APC2: variants seen among roughly 807,000 people sequenced by gnomAD.
APC2 encodes the protein adenomatous polyposis coli protein 2.
A neutral mutation model predicts 72.5 loss-of-function variants in APC2; 41 were observed. The ratio of observed to expected loss-of-function variants is 0.57; its 90% CI spans 0.44 to 0.73. The LOEUF is 0.73. Among genes scored for constraint, APC2 ranks in the 30% least tolerant of loss-of-function variants. The pLI is 0.00. For missense variants in APC2, 3,729 were observed against 3,403.4 expected (o/e 1.10, Z -2.38); for synonymous variants, 1,898 against 1,612.0 (o/e 1.18, Z -4.25).
In APC2 at chr19:1,455,429, G is replaced by C. The variant is rs374545598; in HGVS notation, c.568G>C (p.Glu190Gln). The C allele has an allele frequency of 3.7e-6, 6 of 1,608,528 alleles. No homozygotes were observed. The highest frequency in any genetic ancestry group is 4.2e-6 in the Non-Finnish European group (5 of 1,178,016). The change falls in exon 6 of 15, where the codon GAG becomes CAG. Residue 190 changes from glutamate (E) to glutamine (Q), a missense_variant. Physicochemically the swap from Glu to Gln is conservative, Grantham distance 29. Transcript: ENST00000590469. Reference sequence around the variant, plus strand: ...CCTGATCCGGCAGCAGCTTGAGTTCGAGGCCCAGCACATCCGCTCGCTGAT... The same window carrying C: ...CCTGATCCGGCAGCAGCTTGAGTTCCAGGCCCAGCACATCCGCTCGCTGAT... ...MDLIRQQLEF[E>Q]AQHIRSLMEE...
upstream of APC2, among the ~76,000 whole-genome samples, chr19:1,448,340 A>G (rs1157518595): frequency 1.3e-5 from 2 of 152,136 alleles, no homozygotes; most frequent in Non-Finnish European, 2.9e-5. Context: ...TGAGGTCAGG[A>G]GTTTGAGACC....
chr19:1,469,709 C>G lies in APC2; in HGVS notation c.6408C>G (p.Leu2136=), dbSNP rs2084099256. The G allele has an allele frequency of 6.9e-7, 1 of 1,440,732 alleles. No individual in the cohort carries two copies. The highest frequency in any genetic ancestry group is 9.1e-7 in the Non-Finnish European group (1 of 1,103,324). 89.2% of individuals were successfully genotyped at this position (1,440,732 alleles called of 1,614,324 possible). ...RRSSDGEPRP[L]PRVAAPGTTW... is the part of the protein sequence containing the mutation. Reference sequence around the variant, plus strand: ...GCAGCGACGGGGAGCCCCGGCCGCTCCCCAGGGTGGCCGCGCCGGGCACGA... The same window carrying G: ...GCAGCGACGGGGAGCCCCGGCCGCTGCCCAGGGTGGCCGCGCCGGGCACGA... The change falls in exon 15 of 15, where the codon CTC becomes CTG. Residue 2136 remains leucine, a synonymous_variant. Transcript: ENST00000590469.
At position 1,470,296 on chromosome 19, in the gene APC2, C is replaced by G. The variant is rs375528502; in HGVS notation, c.*83C>G. 1.4e-6 allele frequency: 2 copies of G among 1,435,308 alleles called. No homozygotes were observed. The highest frequency in any genetic ancestry group is 1.8e-6 in the Non-Finnish European group (2 of 1,094,770). The allele number at this position is 1,435,308 out of a possible 1,614,324, so 88.9% of individuals were successfully genotyped here. On this transcript the variant is annotated 3_prime_UTR_variant, in exon 15 of 15. Transcript: ENST00000590469. Reference sequence around the variant, plus strand: ...CCCCATGGGCCTGCGCTGTAGACGTCCCCCATAGGTCGCCCCAGGGCCTCT... The same window carrying G: ...CCCCATGGGCCTGCGCTGTAGACGTGCCCCATAGGTCGCCCCAGGGCCTCT...
At position 1,470,007 on chromosome 19, in the gene APC2, G is replaced by A; in HGVS notation, c.6706G>A (p.Ala2236Thr). The change falls in exon 15 of 15, where the codon GCC becomes ACC. Residue 2236 changes from alanine to threonine, a missense_variant. Physicochemically the swap from Ala to Thr is moderately conservative, Grantham distance 58. Transcript: ENST00000590469. ...CAGCGACGTGGACGGTCCCAGCCTC[G>A]CCAAGGCTCCCATCTCCGCACCCTT... ...LGSDVDGPSL[A>T]KAPISAPFVH... is the part of the protein sequence containing the mutation. 1.3e-6 allele frequency: 2 copies of A among 1,543,648 alleles called. No homozygotes were observed. Among genetic ancestry groups the A allele is most frequent in the South Asian group, 1.2e-5 (1 of 84,670 alleles).
chr19:1,461,887 C>A, intron 13 of APC2, 76 bp from the exon 14 acceptor site: 3 of 1,268,430 alleles, frequency 2.4e-6, no homozygotes, highest in Non-Finnish European at 3.3e-6. Flanking sequence ...AACCCAACTT[C>A]ACTGAATGTG....
rs2083755137 is a variant in APC2 at position 1,452,477 on chromosome 19, G to T, written c.-18-507G>T. ...TGTCCATCGGCAGGGACAGCTGGTG[G>T]TCTGTCCGCCCCGCGTGTCTGGCTG... On this transcript the variant is annotated intron_variant, in intron 1 of 14. Transcript: ENST00000590469. The surrounding 1 kb of genome is among the most constrained non-coding windows in gnomAD (Gnocchi z 5.1). 6.1e-6 allele frequency: 1 copy of T among 164,994 alleles called. No homozygotes were observed. Among genetic ancestry groups the T allele is most frequent in the Non-Finnish European group, 1.3e-5 (1 of 75,846 alleles). 10.2% of individuals were successfully genotyped at this position (164,994 alleles called of 1,614,324 possible).
In APC2 at chr19:1,460,165, T is replaced by C. The variant is rs2083900155; in HGVS notation, c.1304-16T>C. The C allele has an allele frequency of 2.5e-6, 4 of 1,612,976 alleles. No individual in the cohort carries two copies. The highest frequency in any genetic ancestry group is 3.4e-6 in the Non-Finnish European group (4 of 1,179,954). ...GGTCATCCCTGCCACCCACCAACCT[T>C]GTTGGGTCCTCACAGGTGGGCTGCA... On this transcript the variant is annotated splice_polypyrimidine_tract_variant and intron_variant, in intron 10 of 14. Transcript: ENST00000590469.
chr19:1,465,716 C>A lies in APC2; in HGVS notation c.2415C>A (p.Phe805Leu). 6.4e-7 allele frequency: 1 copy of A among 1,564,832 alleles called. No individual in the cohort carries two copies. Among genetic ancestry groups the A allele is most frequent in the Non-Finnish European group, 8.6e-7 (1 of 1,157,222 alleles). ...EPASPAALSL[F>L]LGSPFLQGQA... is the part of the protein sequence containing the mutation. The stretch of plus-strand genomic sequence containing the variant: ...CCAGCCCTGCCGCGCTGTCCCTCTT[C>A]CTGGGCAGCCCCTTCCTGCAGGGGC... The change falls in exon 15 of 15, where the codon TTC becomes TTA. Residue 805 changes from phenylalanine to leucine, a missense_variant. Phe to Leu is a conservative substitution (Grantham distance 22). Coordinates refer to ENST00000590469, the MANE Select transcript of APC2 (RefSeq NM_005883.3).
At chr19:1,456,788 G>A (rs2083834687) in intron 8 of APC2, 65 bp from the exon 9 acceptor site, 4 of 1,533,314 alleles carry the variant, frequency 2.6e-6, no homozygotes, top group Middle Eastern at 2.1e-4. Context: ...ACAGGGCTCC[G>A]ACCGGGTTTC....
chr19:1,472,185 A>G lies in APC2; in HGVS notation c.*1972A>G, dbSNP rs1418472255. On this transcript the variant is annotated 3_prime_UTR_variant, in exon 15 of 15. Transcript: ENST00000590469. Reference sequence around the variant, plus strand: ...GGTCTCACACTTGCTGTCCCCATCCATGGCCCGAGGGGGAACCTGGTGGTC... The same window carrying G: ...GGTCTCACACTTGCTGTCCCCATCCGTGGCCCGAGGGGGAACCTGGTGGTC... 1 of 152,208 alleles carries G rather than the reference A, an allele frequency of 6.6e-6. No homozygotes were observed. Among genetic ancestry groups the G allele is most frequent in the African/African-American group, 2.4e-5 (1 of 41,438 alleles). The allele number at this position is 152,208 out of a possible 1,614,324, so 9.4% of individuals were successfully genotyped here. A position where few individuals can be genotyped will look rare whatever the true frequency, so the allele number is the denominator to read the frequency against.
At position 1,452,866 on chromosome 19, in the gene APC2, C is replaced by G. The variant is rs1038842899; in HGVS notation, c.-18-118C>G. 3 of 1,271,524 alleles carry G rather than the reference C, an allele frequency of 2.4e-6. No homozygotes were observed. The highest frequency in any genetic ancestry group is 1.5e-5 in the African/African-American group (1 of 66,864). 78.8% of individuals were successfully genotyped at this position (1,271,524 alleles called of 1,614,324 possible). Reference sequence around the variant, plus strand: ...ACACCAGTGACTCCTGCCTGAGACCCCCCCCAACCCAGGATCAGGCAGGAC... The same window carrying G: ...ACACCAGTGACTCCTGCCTGAGACCGCCCCCAACCCAGGATCAGGCAGGAC... On this transcript the variant is annotated intron_variant, in intron 1 of 14. Transcript: ENST00000590469. This position sits in a 1 kb window ranked among gnomAD's most constrained non-coding sequence, Gnocchi z 5.1.
In APC2 at chr19:1,471,651, G is replaced by A. The variant is rs1257191403; in HGVS notation, c.*1438G>A. 1.3e-5 allele frequency: 2 copies of A among 152,292 alleles called. No individual in the cohort carries two copies. Among genetic ancestry groups the A allele is most frequent in the African/African-American group, 4.8e-5 (2 of 41,466 alleles). 9.4% of individuals were successfully genotyped at this position (152,292 alleles called of 1,614,324 possible). ...CACCCACGGATCTGCCCAGGCTGAA[G>A]GCACACGCTCAATGCCCCACGTGCC... is the stretch of plus-strand genomic sequence containing the variant. On this transcript the variant is annotated 3_prime_UTR_variant, in exon 15 of 15. Transcript: ENST00000590469.
chr19:1,450,026 G>A (rs1269795055), upstream of APC2: 2 of 730,812 alleles, frequency 2.7e-6, no homozygotes, highest in Non-Finnish European at 1.7e-6. Context: ...CCCCGCCCCG[G>A]GCCGCCATTG....
At chr19:1,455,093 A>G (rs2084146967) in intron 4 of APC2, 56 bp from the exon 5 acceptor site, 1 of 1,213,572 alleles carries the variant, frequency 8.2e-7, no homozygotes, top group Non-Finnish European at 1.1e-6. Context: ...ACAAATATCA[A>G]AATAAACACA....
In APC2 at chr19:1,466,260, G is replaced by A. The variant is rs751924882; in HGVS notation, c.2959G>A (p.Asp987Asn). 6 of 1,529,660 alleles carry A rather than the reference G, an allele frequency of 3.9e-6. No individual in the cohort carries two copies. Among genetic ancestry groups the A allele is most frequent in the Middle Eastern group, 1.7e-4 (1 of 5,740 alleles). The allele number at this position is 1,529,660 out of a possible 1,614,324, so 94.8% of individuals were successfully genotyped here. A position where few individuals can be genotyped will look rare whatever the true frequency, so the allele number is the denominator to read the frequency against. Residue 987 changes from aspartate (D) to asparagine (N), a missense_variant, in exon 15 of 15, where the codon GAC becomes AAC. Transcript: ENST00000590469. ...EPPAREATSA[D>N]ARVRTIKLSP... is the part of the protein sequence containing the mutation. ...CCCGGCCCGCGAGGCCACCTCCGCC[G>A]ACGCCCGCGTGCGCACCATCAAGCT...
In APC2 at chr19:1,460,379, C is replaced by A. The variant is rs556068131; in HGVS notation, c.1443+59C>A. ...CTCATCCAGTCTTCCAGGGACTGAG[C>A]CTCCTTCCAACTCATCCCAGCCTCG... On this transcript the variant is annotated intron_variant, in intron 11 of 14. Coordinates refer to ENST00000590469, the MANE Select transcript of APC2 (RefSeq NM_005883.3). 1.9e-6 allele frequency: 3 copies of A among 1,606,552 alleles called. No homozygotes were observed. In the South Asian group the frequency reaches 3.3e-5, roughly 18 times the overall value.
rs751168175 is a variant in APC2 at position 1,467,846 on chromosome 19, C to T, written c.4545C>T (p.Asp1515=). 5.2e-6 allele frequency: 8 copies of T among 1,536,336 alleles called. No homozygotes were observed. The highest frequency in any genetic ancestry group is 1.9e-5 in the Admixed American group (1 of 52,552). ...ACTGCTTCTACGGCAACGACTCGGA[C>T]GAGGAGCCCCCGGCGGCCGCGCCCA... ...AVYCFYGNDS[D]EEPPAAAPTP... Residue 1515 remains aspartate (D), a synonymous_variant, in exon 15 of 15, where the codon GAC becomes GAT. Coordinates refer to ENST00000590469, the MANE Select transcript of APC2 (RefSeq NM_005883.3).
rs1443758912 is a variant in APC2, at chr19:1,468,896, C to T, written c.5595C>T (p.Pro1865=). ...LSQPPRSATP[P]ARLAKTPSSS... is the part of the protein sequence containing the mutation. Reference sequence around the variant, plus strand: ...AGCCCCCCAGAAGCGCCACACCGCCCGCCCGCCTCGCCAAGACCCCCTCCT... The same window carrying T: ...AGCCCCCCAGAAGCGCCACACCGCCTGCCCGCCTCGCCAAGACCCCCTCCT... Residue 1865 remains proline, a synonymous_variant, in exon 15 of 15, where the codon CCC becomes CCT. Transcript: ENST00000590469. The T allele has an allele frequency of 3.3e-6, 5 of 1,520,958 alleles. No individual in the cohort carries two copies. Among genetic ancestry groups the T allele is most frequent in the Non-Finnish European group, 4.4e-6 (5 of 1,141,394 alleles). The allele number at this position is 1,520,958 out of a possible 1,614,324, so 94.2% of individuals were successfully genotyped here.
Position 1,468,168 on chromosome 19 carries a change from C to A in APC2, c.4867C>A (p.Arg1623=), listed in dbSNP as rs759416366. 2.2e-4 allele frequency: 316 copies of A among 1,454,424 alleles called. No homozygotes were observed. Among genetic ancestry groups the A allele is most frequent in the Non-Finnish European group, 2.7e-4 (305 of 1,112,466 alleles). The allele number at this position is 1,454,424 out of a possible 1,614,324, so 90.1% of individuals were successfully genotyped here. A position where few individuals can be genotyped will look rare whatever the true frequency, so the allele number is the denominator to read the frequency against. Residue 1623 remains arginine (R), a synonymous_variant, in exon 15 of 15, where the codon CGG becomes AGG. Transcript: ENST00000590469. ...CGGACGCGACAGCTCGCCCAGCCCG[C>A]GGGCCGCGGAGGAGCTTCTGCAGCG... ...GGGRDSSPSP[R]AAEELLQRCI... is the part of the protein sequence containing the mutation.
Sources: allele counts gnomAD v4.1 joint callset (sites outside exome capture counted in the v4.1 genomes callset), GRCh38; gene constraint gnomAD v4.1.1; non-coding constraint Gnocchi (gnomAD v3.1); transcripts MANE v1.5; gene names NCBI Gene and HGNC (gene_info 2026-07-23, HGNC 2026-07-21).